ZNF429: variants seen among roughly 807,000 people sequenced by gnomAD.
ZNF429 encodes the protein zinc finger protein 429.
In ZNF429, 53 loss-of-function variants were observed where a neutral mutation model predicts 56.8. The observed-to-expected ratio is 0.93, with a 90% CI of 0.75 to 1.17. ZNF429 has a LOEUF of 1.17. Among genes scored for constraint, ZNF429 ranks in the 50% most tolerant of loss-of-function variants. The probability of loss-of-function intolerance (pLI) is 0.00; values close to 1 mark genes in which losing one functional copy is unlikely to be tolerated. For synonymous variants in ZNF429, 278 were observed against 264.7 expected (o/e 1.05, Z -0.49); for missense variants, 849 against 788.4 (o/e 1.08, Z -0.92).
intron 1 of ZNF429, among the ~76,000 whole-genome samples, chr19:21,515,240 C>CTTTTTTTTTTTTT: frequency 7.8e-6 from 1 of 128,132 alleles, no homozygotes. Context: ...TGTGCCTGGC[C>CTTTTTTTTTTTTT]TTTTTTTTTT....
chr19:21,532,246 G>T, intron 3 of ZNF429, among the ~76,000 whole-genome samples: 1 of 150,490 alleles, frequency 6.6e-6, no homozygotes, highest in African/African-American at 2.4e-5. Context: ...AAATTTCAGT[G>T]TTTTTTTTTT....
intron 1 of ZNF429, among the ~76,000 whole-genome samples, chr19:21,514,588 CAT>C (rs1040986684): frequency 2.6e-5 from 4 of 151,642 alleles, no homozygotes; most frequent in African/African-American, 7.3e-5. Flanking sequence ...CACACACACA[CAT>C]ATATATATTT....
chr19:21,535,372 T>G lies in ZNF429; in HGVS notation c.227-908T>G. On this transcript the variant is annotated intron_variant, in intron 3 of 3. Coordinates refer to ENST00000358491, the MANE Select transcript of ZNF429 (RefSeq NM_001001415.4). ...TCCTTTCTTTTCTTCTTTCTTTCTT[T>G]CTTTCTTTTTTACTTTCTTTCTTTC... 1.8e-3 allele frequency among the ~76,000 whole-genome samples: 146 copies of G among 82,132 alleles called. 16 individuals are homozygous for G. The highest frequency in any genetic ancestry group is 7.0e-3 in the African/African-American group (137 of 19,502). 53.9% of individuals were successfully genotyped at this position (82,132 alleles called of 152,430 possible). A position where few individuals can be genotyped will look rare whatever the true frequency, so the allele number is the denominator to read the frequency against.
rs188140088 is a variant in ZNF429 at position 21,537,956 on chromosome 19, A to G, written c.1903A>G (p.Arg635Gly). The change falls in exon 4 of 4, where the codon AGA becomes GGA. Residue 635 changes from arginine (R) to glycine (G), a missense_variant. Coordinates refer to ENST00000358491, the MANE Select transcript of ZNF429 (RefSeq NM_001001415.4). ...TGCCAAAGCTTTTACCCGGTCTTCA[A>G]GACTTACTCAACATAAGAAAATTCA... ...ECAKAFTRSS[R>G]LTQHKKIHRM... 995 of 1,614,152 alleles carry G rather than the reference A, an allele frequency of 6.2e-4. 4 individuals carry two copies. In the African/African-American group the frequency reaches 9.7e-3, roughly 16 times the overall value.
At chr19:21,511,006 C>T (rs1019910336) in intron 1 of ZNF429, among the ~76,000 whole-genome samples, 20 of 152,002 alleles carry the variant, frequency 1.3e-4, no homozygotes, top group South Asian at 2.1e-4. Context: ...AGCAACCATC[C>T]GATTTCTCAA....
At chr19:21,519,704 A>G (rs1369579448) in intron 1 of ZNF429, among the ~76,000 whole-genome samples, 5 of 152,174 alleles carry the variant, frequency 3.3e-5, no homozygotes, top group Admixed American at 1.3e-4. Context: ...AGTGCACTCA[A>G]TAAAATCCTC....
At chr19:21,521,646 T>C (rs2032988356) in intron 1 of ZNF429, 1 of 152,420 alleles carries the variant, frequency 6.6e-6, no homozygotes, top group Non-Finnish European at 1.5e-5. Flanking sequence ...CTTGCTGAGA[T>C]GGAGAGCTGC....
At chr19:21,512,226 A>T (rs1378828482) in intron 1 of ZNF429, among the ~76,000 whole-genome samples, 1 of 152,116 alleles carries the variant, frequency 6.6e-6, no homozygotes, top group Non-Finnish European at 1.5e-5. Context: ...TATGGCACTG[A>T]TGGGAGTGTG....
rs1410493161 is a variant in ZNF429 at position 21,537,458 on chromosome 19, A to G, written c.1405A>G (p.Thr469Ala). The G allele has an allele frequency of 1.2e-6, 2 of 1,613,808 alleles. No individual in the cohort carries two copies. Among genetic ancestry groups the G allele is most frequent in the East Asian group, 2.2e-5 (1 of 44,832 alleles). ...AGCTTTTAACCGGTCCTCACACCTT[A>G]CTAGCCATAGGAGAATTCATACTGG... is the stretch of plus-strand genomic sequence containing the variant. ...GKAFNRSSHL[T>A]SHRRIHTGEK... The change falls in exon 4 of 4, where the codon ACT (threonine) becomes GCT (alanine). Residue 469 changes from threonine to alanine, a missense_variant. Transcript: ENST00000358491.
At chr19:21,511,514 G>A (rs1325395988) in intron 1 of ZNF429, among the ~76,000 whole-genome samples, 1 of 152,024 alleles carries the variant, frequency 6.6e-6, no homozygotes, top group Non-Finnish European at 1.5e-5. Flanking sequence ...CTTCCTAGAT[G>A]GGATGGCAGC....
intron 1 of ZNF429, among the ~76,000 whole-genome samples, chr19:21,513,422 G>A (rs569080431): frequency 6.6e-6 from 1 of 152,086 alleles, no homozygotes; most frequent in South Asian, 2.1e-4. Flanking sequence ...AAACTTCATA[G>A]AGGTTATGAA....
At chr19:21,512,031 A>G (rs1366392982) in intron 1 of ZNF429, among the ~76,000 whole-genome samples, 1 of 152,194 alleles carries the variant, frequency 6.6e-6, no homozygotes, top group Non-Finnish European at 1.5e-5. Flanking sequence ...GCAGCAGTAC[A>G]GTCCAGCTTC....
chr19:21,514,374 T>G (rs1391876194), intron 1 of ZNF429, among the ~76,000 whole-genome samples: 3 of 152,154 alleles, frequency 2.0e-5, no homozygotes, highest in African/African-American at 7.2e-5. Flanking sequence ...TGCTTGTTGT[T>G]CCTCTCTTTG....
intron 2 of ZNF429, 111 bp from the exon 3 acceptor site, chr19:21,530,478 G>A: frequency 1.7e-6 from 1 of 592,282 alleles, no homozygotes; most frequent in Non-Finnish European, 2.7e-6. Context: ...ATTGGTATTT[G>A]GGCATTAATT....
Position 21,539,492 on chromosome 19 carries a change from G to T in ZNF429, c.*1414G>T, listed in dbSNP as rs1342242164. ...GTTGGAGTTCAGTGGCACAATTTCAGCTTGCTGCCAACTTCGACCTTTGGG... is the reference window on the plus strand; with the variant it reads ...GTTGGAGTTCAGTGGCACAATTTCATCTTGCTGCCAACTTCGACCTTTGGG... On this transcript the variant is annotated 3_prime_UTR_variant, in exon 4 of 4. Transcript: ENST00000358491. Among the ~76,000 whole-genome samples, 1 of 152,046 alleles carries T rather than the reference G, an allele frequency of 6.6e-6. No homozygotes were observed. Among genetic ancestry groups the T allele is most frequent in the Non-Finnish European group, 1.5e-5 (1 of 68,016 alleles).
chr19:21,529,723 A>T lies in ZNF429; in HGVS notation c.69A>T (p.Thr23=), dbSNP rs759158361. 1 of 1,603,044 alleles carries T rather than the reference A, an allele frequency of 6.2e-7. No individual in the cohort carries two copies. The highest frequency in any genetic ancestry group is 1.7e-5 in the Admixed American group (1 of 58,844). ...FSLEEWQCLD[T]AQQNLYRNVM... is the part of the protein sequence containing the mutation. ...TGGAGGAGTGGCAGTGCCTGGACACAGCACAACAGAACTTATATAGAAATG... is the reference window on the plus strand; with the variant it reads ...TGGAGGAGTGGCAGTGCCTGGACACTGCACAACAGAACTTATATAGAAATG... Residue 23 remains threonine (T), a synonymous_variant, in exon 2 of 4, where the codon ACA becomes ACT. Transcript: ENST00000358491.
chr19:21,520,696 T>C (rs935846691), intron 1 of ZNF429, among the ~76,000 whole-genome samples: 2 of 152,214 alleles, frequency 1.3e-5, no homozygotes, highest in African/African-American at 2.4e-5. Flanking sequence ...TAAGTTCCTT[T>C]GAGAGAAAAC....
intron 1 of ZNF429, among the ~76,000 whole-genome samples, chr19:21,509,069 TGCGATCTTG>T (rs1355329329): frequency 3.3e-5 from 5 of 151,628 alleles, no homozygotes; most frequent in African/African-American, 1.2e-4. Context: ...GGTGCAGTGG[TGCGATCTTG>T]GCTCACTGCA....
chr19:21,522,153 G>A (rs2033007057), intron 1 of ZNF429, among the ~76,000 whole-genome samples: 1 of 152,234 alleles, frequency 6.6e-6, no homozygotes, highest in Non-Finnish European at 1.5e-5. Context: ...TTCTGCAGGA[G>A]AGTGAGAGCC....
Sources: gnomAD v4.1 joint callset for allele counts (sites outside exome capture counted in the v4.1 genomes callset) on GRCh38, gnomAD v4.1.1 for gene constraint, MANE v1.5 for transcripts, NCBI Gene and HGNC (gene_info 2026-07-23, HGNC 2026-07-21) for gene names.